Variants in PTPRD observed in about 807,000 individuals in gnomAD.
PTPRD encodes the protein receptor-type tyrosine-protein phosphatase delta.
In PTPRD, 34 loss-of-function variants were observed where a neutral mutation model predicts 214.5. The ratio of observed to expected loss-of-function variants is 0.16; its 90% confidence interval spans 0.12 to 0.21. The LOEUF (loss-of-function observed/expected upper bound fraction) is 0.21, where lower values mean the gene tolerates loss of function less well. PTPRD is among the 10% of genes least tolerant of loss of function. The pLI is 1.00. For synonymous variants in PTPRD, 1,128 were observed against 845.7 expected (o/e 1.33, Z -5.79); for missense variants, 2,545 against 2,398.7 (o/e 1.06, Z -1.27).
At chr9:9,427,959 T>G (rs1345901649) in intron 8 of PTPRD, among the ~76,000 whole-genome samples, 1 of 152,104 alleles carries the variant, frequency 6.6e-6, no homozygotes, top group Non-Finnish European at 1.5e-5. Context: ...TGCAAAGACA[T>G]GCCGAATTGT....
intron 3 of PTPRD, among the ~76,000 whole-genome samples, chr9:10,097,872 G>C (rs1450721436): frequency 6.6e-6 from 1 of 151,746 alleles, no homozygotes; most frequent in Non-Finnish European, 1.5e-5. Flanking sequence ...ATTGGCTGTA[G>C]GAACACTTTC....
At chr9:9,655,618 GCCAAA>G (rs59186868) in intron 7 of PTPRD, among the ~76,000 whole-genome samples, 1 of 118,288 alleles carries the variant, frequency 8.5e-6, no homozygotes, top group South Asian at 2.6e-4. Context: ...ACCAAACCAA[GCCAAA>G]CCAAACCAAA....
At chr9:10,447,420 A>G (rs1237869484) in intron 2 of PTPRD, among the ~76,000 whole-genome samples, 6 of 151,898 alleles carry the variant, frequency 4.0e-5, no homozygotes, top group Non-Finnish European at 8.8e-5. Context: ...AGCTTTTCAC[A>G]TAACTATCTC....
intron 8 of PTPRD, among the ~76,000 whole-genome samples, chr9:9,407,238 G>A (rs549282861): frequency 2.6e-5 from 4 of 151,644 alleles, no homozygotes; most frequent in South Asian, 4.2e-4. Context: ...TCTGAGCATC[G>A]ACCATGATGA....
intron 44 of PTPRD, among the ~76,000 whole-genome samples, chr9:8,329,524 T>C (rs980849921): frequency 6.6e-6 from 1 of 152,162 alleles, no homozygotes; most frequent in Admixed American, 6.5e-5. Flanking sequence ...AGTCTGTCCC[T>C]TATCAGAGCT....
At chr9:9,019,915 G>C (rs1409259220) in intron 10 of PTPRD, among the ~76,000 whole-genome samples, 1 of 152,030 alleles carries the variant, frequency 6.6e-6, no homozygotes, top group Admixed American at 6.6e-5. Flanking sequence ...TGGAAATGAA[G>C]AAATTAACCT....
intron 9 of PTPRD, among the ~76,000 whole-genome samples, chr9:9,371,120 G>A (rs866479658): frequency 2.0e-4 from 31 of 152,030 alleles, no homozygotes; most frequent in African/African-American, 7.0e-4. Context: ...GGATGATGCT[G>A]GCTTCATAAA....
chr9:9,369,738 T>C (rs1369686406), intron 9 of PTPRD, among the ~76,000 whole-genome samples: 4 of 152,148 alleles, frequency 2.6e-5, no homozygotes, highest in Non-Finnish European at 5.9e-5. Context: ...ATTTTTATGG[T>C]TTTAGGTCTA....
intron 3 of PTPRD, among the ~76,000 whole-genome samples, chr9:10,261,111 T>C (rs2093675165): frequency 6.7e-6 from 1 of 149,018 alleles, no homozygotes; most frequent in African/African-American, 2.4e-5. Context: ...AGAGAGTCAC[T>C]TTTCTGAATA....
At chr9:10,217,290 G>A (rs1023044108) in intron 3 of PTPRD, among the ~76,000 whole-genome samples, 3 of 151,422 alleles carry the variant, frequency 2.0e-5, no homozygotes, top group Admixed American at 6.6e-5. Context: ...ACACAGACAC[G>A]CAGGTACAAA....
At chr9:9,646,318 G>GGGT (rs2096168359) in intron 7 of PTPRD, among the ~76,000 whole-genome samples, 11 of 137,238 alleles carry the variant, frequency 8.0e-5, no homozygotes, top group African/African-American at 3.1e-4. Flanking sequence ...TGTGTGTGTG[G>GGGT]GTGTGTGTGT....
intron 9 of PTPRD, among the ~76,000 whole-genome samples, chr9:9,262,148 G>A (rs994906760): frequency 1.3e-5 from 2 of 151,182 alleles, no homozygotes; most frequent in Non-Finnish European, 3.0e-5. Context: ...ACAATGACTG[G>A]GTCATGAAAG....
chr9:8,991,674 CA>C (rs924978092), intron 11 of PTPRD, among the ~76,000 whole-genome samples: 19 of 152,214 alleles, frequency 1.2e-4, no homozygotes, highest in Admixed American at 7.2e-4. Context: ...CTTTGAGTAA[CA>C]CATTAGTTCT....
chr9:10,007,234 T>C (rs1052054650), intron 4 of PTPRD, among the ~76,000 whole-genome samples: 1 of 152,032 alleles, frequency 6.6e-6, no homozygotes, highest in African/African-American at 2.4e-5. Context: ...CACATCATTT[T>C]GCTTCATTTT....
At chr9:9,779,829 C>T (rs2263142) in intron 5 of PTPRD, among the ~76,000 whole-genome samples, 62,804 of 151,680 alleles carry the variant, frequency 0.41, 13,150 homozygotes, top group African/African-American at 0.49. Flanking sequence ...AGTTCAGCCA[C>T]TTGGGGAAAG....
chr9:9,747,896 C>G (rs573141487), intron 6 of PTPRD, among the ~76,000 whole-genome samples: 2 of 151,974 alleles, frequency 1.3e-5, no homozygotes, highest in African/African-American at 4.8e-5. Context: ...GCAGTATGGC[C>G]GGAATGTTTC....
chr9:9,873,947 A>C (rs941040295), intron 5 of PTPRD, among the ~76,000 whole-genome samples: 1 of 152,180 alleles, frequency 6.6e-6, no homozygotes, highest in African/African-American at 2.4e-5. Context: ...GTAATAGTGT[A>C]TATTATTATA....
intron 4 of PTPRD, among the ~76,000 whole-genome samples, chr9:9,958,477 G>T (rs1342929918): frequency 1.3e-5 from 2 of 152,166 alleles, no homozygotes; most frequent in Non-Finnish European, 2.9e-5. Context: ...GTTGCAGTGA[G>T]CCAAGATCAT....
chr9:10,435,586 T>C (rs185232323), intron 2 of PTPRD, among the ~76,000 whole-genome samples: 4 of 151,888 alleles, frequency 2.6e-5, no homozygotes, highest in Non-Finnish European at 4.4e-5. Flanking sequence ...TTCAAATTAT[T>C]CTTATTTATT....
Sources: gnomAD v4.1 joint callset for allele counts (sites outside exome capture counted in the v4.1 genomes callset) on GRCh38, gnomAD v4.1.1 for gene constraint, MANE v1.5 for transcripts, NCBI Gene and HGNC (gene_info 2026-07-23, HGNC 2026-07-21) for gene names.